The following TOMM7 variants were observed in gnomAD, a reference collection of about 807,000 sequenced individuals.
TOMM7 encodes translocase of outer mitochondrial membrane 7.
In TOMM7, 8 loss-of-function variants were observed where a neutral mutation model predicts 9.5. The ratio of observed to expected loss-of-function variants is 0.84; its 90% CI spans 0.49 to 1.51. The LOEUF is 1.51. TOMM7 is among the 40% of genes most tolerant of loss of function. The probability of loss-of-function intolerance (pLI) is 0.00; values close to 1 mark genes in which losing one functional copy is unlikely to be tolerated. For missense variants in TOMM7, 74 were observed against 63.7 expected (o/e 1.16, Z -0.55); for synonymous variants, 27 against 21.4 (o/e 1.26, Z -0.72).
chr7:22,822,346 C>T (rs1782404999), intron 1 of TOMM7: 1 of 1,437,614 alleles, frequency 7.0e-7, no homozygotes, highest in Admixed American at 2.3e-5. Context: ...ACCCCGAGAA[C>T]CACCTAGTGC....
intron 1 of TOMM7, among the ~76,000 whole-genome samples, chr7:22,819,788 G>T (rs553966662): frequency 6.6e-6 from 1 of 152,228 alleles, no homozygotes; most frequent in South Asian, 2.1e-4. Flanking sequence ...TGGAACAAAG[G>T]GTCATCAGAG....
intron 2 of TOMM7, among the ~76,000 whole-genome samples, chr7:22,815,656 G>A (rs1050115562): frequency 1.3e-5 from 2 of 152,140 alleles, no homozygotes; most frequent in African/African-American, 4.8e-5. Context: ...ATAGTTACAA[G>A]CATAATACAA....
At chr7:22,822,245 G>A in intron 1 of TOMM7, 2 of 1,550,770 alleles carry the variant, frequency 1.3e-6, no homozygotes, top group Non-Finnish European at 1.7e-6. Flanking sequence ...TTATAATCAT[G>A]CTTTCATGGC....
intron 1 of TOMM7, among the ~76,000 whole-genome samples, chr7:22,820,804 TG>T (rs1460519876): frequency 1.3e-5 from 2 of 152,170 alleles, no homozygotes; most frequent in Non-Finnish European, 2.9e-5. Flanking sequence ...AGAAAAGTAA[TG>T]TTTTTTTAAA....
chr7:22,822,246 C>T (rs1433664582), intron 1 of TOMM7: 3 of 1,550,734 alleles, frequency 1.9e-6, no homozygotes, highest in Admixed American at 2.0e-5. Context: ...TATAATCATG[C>T]TTTCATGGCA....
intron 1 of TOMM7, among the ~76,000 whole-genome samples, chr7:22,821,797 A>C (rs1193451313): frequency 6.6e-6 from 1 of 152,122 alleles, no homozygotes; most frequent in African/African-American, 2.4e-5. Flanking sequence ...AAACTACAGA[A>C]TAGGTCCCAG....
intron 1 of TOMM7, chr7:22,818,250 C>G: frequency 2.0e-6 from 1 of 510,928 alleles, no homozygotes; most frequent in Non-Finnish European, 3.6e-6. Context: ...CAGGACTAAT[C>G]AGTAGGAAGA....
intron 1 of TOMM7, among the ~76,000 whole-genome samples, chr7:22,819,088 C>T (rs368843833): frequency 6.6e-5 from 10 of 152,052 alleles, no homozygotes; most frequent in Admixed American, 1.3e-4. Flanking sequence ...TAAATCAACT[C>T]GTTACAAGTA....
intron 1 of TOMM7, chr7:22,822,008 A>G: frequency 9.9e-7 from 1 of 1,009,850 alleles, no homozygotes; most frequent in Non-Finnish European, 1.4e-6. Context: ...TTAAAAACAA[A>G]AACCAAAAAA....
intron 1 of TOMM7, among the ~76,000 whole-genome samples, chr7:22,820,052 G>A (rs975771633): frequency 1.6e-4 from 25 of 152,140 alleles, no homozygotes; most frequent in African/African-American, 6.0e-4. Context: ...AGAACAACCT[G>A]GAGCCAGGTG....
intron 1 of TOMM7, among the ~76,000 whole-genome samples, chr7:22,821,156 A>T (rs1782383163): frequency 6.6e-6 from 1 of 152,200 alleles, no homozygotes; most frequent in African/African-American, 2.4e-5. Flanking sequence ...TCACGCCTGT[A>T]ATCCCAGCAC....
chr7:22,822,724 C>G lies in TOMM7; in HGVS notation c.56G>C (p.Ser19Thr), dbSNP rs1393875032. The change falls in exon 1 of 3, where the codon AGC (serine) becomes ACC (threonine). Residue 19 changes from serine to threonine, a missense_variant. Transcript: ENST00000358435. ...KQRLQQLFKG[S>T]QFAIRWGFIP... is the part of the protein sequence containing the mutation. ...AAAGCCCCAGCGAATGGCAAACTGG[C>G]TCCCCTTGAAGAGCTGCTGTAGTCT... is the stretch of plus-strand genomic sequence containing the variant. 6.2e-7 allele frequency: 1 copy of G among 1,614,244 alleles called. No homozygotes were observed. The highest frequency in any genetic ancestry group is 8.5e-7 in the Non-Finnish European group (1 of 1,180,042).
chr7:22,822,315 C>A, intron 1 of TOMM7: 1 of 1,521,192 alleles, frequency 6.6e-7, no homozygotes, highest in Non-Finnish European at 8.8e-7. Flanking sequence ...CTTAGGACCA[C>A]ATGGAGCGGT....
chr7:22,822,548 G>A, intron 1 of TOMM7, 129 bp downstream of exon 1: 1 of 851,258 alleles, frequency 1.2e-6, no homozygotes, highest in Non-Finnish European at 1.9e-6. Flanking sequence ...CACTTGACCA[G>A]ACAGCCTCAG....
At chr7:22,821,276 T>G (rs187081949) in intron 1 of TOMM7, among the ~76,000 whole-genome samples, 52 of 151,152 alleles carry the variant, frequency 3.4e-4, no homozygotes, top group African/African-American at 1.0e-3. Context: ...CCCGGCATGG[T>G]GGCGGGCGCT....
chr7:22,820,324 TAGGA>T (rs1782369952), intron 1 of TOMM7, among the ~76,000 whole-genome samples: 2 of 152,236 alleles, frequency 1.3e-5, no homozygotes, highest in South Asian at 4.2e-4. Context: ...ACGGTAGTCC[TAGGA>T]AGGGAATATA....
At position 22,822,819 on chromosome 7, in the gene TOMM7, A is replaced by G. The variant is rs1782414667; in HGVS notation, c.-40T>C. On this transcript the variant is annotated 5_prime_UTR_variant, in exon 1 of 3. Transcript: ENST00000358435. ...GGCGCAGGGAGGACCCCTTACAGCA[A>G]CCACAGCGTCGGGAATCCGAAAGGG... The G allele has an allele frequency of 1.0e-5, 16 of 1,538,016 alleles. No individual in the cohort carries two copies. Among genetic ancestry groups the G allele is most frequent in the Non-Finnish European group, 1.3e-5 (15 of 1,111,520 alleles).
intron 1 of TOMM7, among the ~76,000 whole-genome samples, chr7:22,820,249 G>A (rs1162856170): frequency 6.6e-6 from 1 of 152,116 alleles, no homozygotes; most frequent in Admixed American, 6.5e-5. Flanking sequence ...GACAAGTACT[G>A]GAAAGACAAC....
chr7:22,822,020 C>A (rs981792), intron 1 of TOMM7: 375,429 of 1,069,750 alleles, frequency 0.35, 72,986 homozygotes, highest in African/African-American at 0.67. Flanking sequence ...ACCAAAAAAA[C>A]CCCAAATCCT....
Sources: gnomAD v4.1 joint callset for allele counts (sites outside exome capture counted in the v4.1 genomes callset) on GRCh38, gnomAD v4.1.1 for gene constraint, MANE v1.5 for transcripts, NCBI Gene and HGNC (gene_info 2026-07-23, HGNC 2026-07-21) for gene names.